LRRC37A2: variants seen among roughly 807,000 people sequenced by gnomAD.
LRRC37A2 encodes leucine rich repeat containing 37 member A2.
In LRRC37A2, 9 loss-of-function variants were observed where a neutral mutation model predicts 68.8. That is an observed-to-expected ratio of 0.13 (90% CI 0.08 to 0.23). LRRC37A2 has a LOEUF of 0.23. LRRC37A2 is among the 10% of genes least tolerant of loss of function. The probability of loss-of-function intolerance (pLI) is 1.00; values close to 1 mark genes in which losing one functional copy is unlikely to be tolerated. For synonymous variants in LRRC37A2, 63 were observed against 367.6 expected (o/e 0.17, Z 9.48); for missense variants, 168 against 950.4 (o/e 0.18, Z 10.82).
the LRRC37A2 span, among the ~76,000 whole-genome samples, chr17:46,956,347 A>G: frequency 2.4e-5 from 3 of 127,596 alleles, no homozygotes; most frequent in East Asian, 5.0e-4. Flanking sequence ...CTGGAGTGCA[A>G]TGCTGCCATC....
chr17:46,631,054 C>T, the LRRC37A2 span, among the ~76,000 whole-genome samples: 3 of 104,300 alleles, frequency 2.9e-5, no homozygotes, highest in Non-Finnish European at 5.4e-5. Context: ...GTCTCTGTCT[C>T]TCTCTGTACA....
At chr17:46,756,071 ATTCC>A in the LRRC37A2 span, 2 of 469,360 alleles carry the variant, frequency 4.3e-6, no homozygotes, top group African/African-American at 4.0e-5. Flanking sequence ...GGCTAAAGTG[ATTCC>A]TTCTTGCTCA....
chr17:46,831,008 T>C, the LRRC37A2 span: 10 of 369,098 alleles, frequency 2.7e-5, no homozygotes, highest in Admixed American at 4.6e-5. Flanking sequence ...AATGAGTAAA[T>C]CTAAAATCTT....
At chr17:46,932,380 T>A in the LRRC37A2 span, 1 of 670,386 alleles carries the variant, frequency 1.5e-6, no homozygotes. Context: ...AGAGAATCCC[T>A]TTTTCTAAGA....
chr17:46,974,643 A>C, the LRRC37A2 span, among the ~76,000 whole-genome samples: 26 of 151,972 alleles, frequency 1.7e-4, no homozygotes, highest in Admixed American at 1.0e-3. Flanking sequence ...CTGAGGCAGG[A>C]GGATGGCGTG....
chr17:46,876,431 G>A, the LRRC37A2 span: 1 of 1,613,744 alleles, frequency 6.2e-7, no homozygotes, highest in Admixed American at 1.7e-5. Context: ...AGAGCTGTGG[G>A]CCCCTGCCAG....
the LRRC37A2 span, among the ~76,000 whole-genome samples, chr17:47,040,212 G>A: frequency 1.3e-5 from 2 of 149,654 alleles, no homozygotes; most frequent in South Asian, 2.1e-4. Flanking sequence ...GGAGGCTGAG[G>A]CTGAGGTTGA....
At chr17:46,890,227 G>A in the LRRC37A2 span, among the ~76,000 whole-genome samples, 3 of 152,052 alleles carry the variant, frequency 2.0e-5, no homozygotes, top group South Asian at 2.1e-4. Context: ...AGCCCATTAC[G>A]TTCCTTCATC....
the LRRC37A2 span, among the ~76,000 whole-genome samples, chr17:46,788,868 G>A: frequency 6.6e-6 from 1 of 152,202 alleles, no homozygotes; most frequent in Admixed American, 6.5e-5. Context: ...GAGGGCAGGT[G>A]ATGGCCATGG....
At chr17:46,978,970 T>C in the LRRC37A2 span, 2 of 1,449,314 alleles carry the variant, frequency 1.4e-6, no homozygotes, top group Non-Finnish European at 1.8e-6. Context: ...GCCGTCCACC[T>C]CCTCCAAGCC....
the LRRC37A2 span, among the ~76,000 whole-genome samples, chr17:46,377,602 C>G: frequency 7.0e-5 from 4 of 57,410 alleles, no homozygotes; most frequent in African/African-American, 1.3e-4. Flanking sequence ...CGGAGTCTTG[C>G]TCCGTCACCC....
At chr17:46,957,389 G>A in the LRRC37A2 span, among the ~76,000 whole-genome samples, 1 of 152,178 alleles carries the variant, frequency 6.6e-6, no homozygotes, top group African/African-American at 2.4e-5. Context: ...GAGGCAGGTG[G>A]ATCACTTGAG....
At chr17:46,794,814 G>A in the LRRC37A2 span, among the ~76,000 whole-genome samples, 2 of 146,344 alleles carry the variant, frequency 1.4e-5, no homozygotes, top group African/African-American at 5.1e-5. Flanking sequence ...GCAGAGGTAC[G>A]ATTCCAGCTC....
the LRRC37A2 span, chr17:46,763,926 C>T: frequency 3.3e-5 from 5 of 151,988 alleles, no homozygotes; most frequent in African/African-American, 1.2e-4. Flanking sequence ...GACTGCCCCT[C>T]GTGCAGAACA....
the LRRC37A2 span, among the ~76,000 whole-genome samples, chr17:46,727,516 C>T: frequency 6.6e-6 from 1 of 152,132 alleles, no homozygotes; most frequent in African/African-American, 2.4e-5. Flanking sequence ...ACTGTTCTTA[C>T]TGCATTTTTC....
At chr17:46,951,382 C>G in the LRRC37A2 span, among the ~76,000 whole-genome samples, 4 of 152,190 alleles carry the variant, frequency 2.6e-5, no homozygotes, top group African/African-American at 9.7e-5. Flanking sequence ...CAATTTCATC[C>G]TTAAAGATTC....
the LRRC37A2 span, among the ~76,000 whole-genome samples, chr17:46,951,469 G>T: frequency 6.6e-6 from 1 of 152,248 alleles, no homozygotes; most frequent in Non-Finnish European, 1.5e-5. Context: ...AGGTTTAGCA[G>T]TGACTTGTCA....
chr17:46,872,722 C>T, the LRRC37A2 span: 1 of 1,609,322 alleles, frequency 6.2e-7, no homozygotes, highest in Non-Finnish European at 8.5e-7. Flanking sequence ...TCAGTTCCGG[C>T]ATGAGCGCTG....
the LRRC37A2 span, among the ~76,000 whole-genome samples, chr17:46,633,573 A>G: frequency 7.1e-6 from 1 of 140,018 alleles, no homozygotes; most frequent in East Asian, 1.9e-4. Flanking sequence ...ATTGCTGTAA[A>G]GTATTCTACA....
Sources: allele counts gnomAD v4.1 joint callset (sites outside exome capture counted in the v4.1 genomes callset), GRCh38; gene constraint gnomAD v4.1.1; transcripts MANE v1.5; gene names NCBI Gene and HGNC (gene_info 2026-07-23, HGNC 2026-07-21).